Variants in CRPPA observed in about 807,000 individuals in gnomAD.
CRPPA encodes the protein CDP-L-ribitol pyrophosphorylase A.
Under a neutral mutation model 52.0 loss-of-function variants are expected in CRPPA, and 43 were observed. The ratio of observed to expected loss-of-function variants is 0.83; its 90% CI spans 0.65 to 1.07. The LOEUF is 1.07. Ranked by LOEUF, CRPPA falls within the 50% of genes least tolerant of loss-of-function variation. CRPPA has a pLI of 0.00. For missense variants in CRPPA, 629 were observed against 551.7 expected, an observed-to-expected ratio of 1.14 and a Z score of -1.40; for synonymous variants, 250 against 203.5, an observed-to-expected ratio of 1.23 and a Z score of -1.94.
At chr7:16,272,546 T>C (rs989854437) in intron 6 of CRPPA, among the ~76,000 whole-genome samples, 3 of 152,178 alleles carry the variant, frequency 2.0e-5, no homozygotes, top group Non-Finnish European at 1.5e-5. Context: ...CCTTTCAAAG[T>C]AGGATGAAAG....
At chr7:16,260,418 G>C (rs1783764544) in intron 6 of CRPPA, among the ~76,000 whole-genome samples, 1 of 151,948 alleles carries the variant, frequency 6.6e-6, no homozygotes, top group South Asian at 2.1e-4. Flanking sequence ...TCTTTTTAAA[G>C]AACTCTACTG....
At chr7:16,389,924 AAAAAATATATATATAT>A (rs1283703614) in intron 2 of CRPPA, among the ~76,000 whole-genome samples, 36 of 62,562 alleles carry the variant, frequency 5.8e-4, no homozygotes, top group African/African-American at 2.6e-3. Context: ...AAAAAAAAAA[AAAAAATATATATATAT>A]ATATATATAT....
At chr7:16,269,581 A>T (rs1186807403) in intron 6 of CRPPA, 1 of 152,210 alleles carries the variant, frequency 6.6e-6, no homozygotes, top group African/African-American at 2.4e-5. Flanking sequence ...TGCCAACGTA[A>T]GAGAGAAAGG....
intron 4 of CRPPA, among the ~76,000 whole-genome samples, chr7:16,306,416 T>A (rs1194724848): frequency 6.6e-6 from 1 of 152,128 alleles, no homozygotes; most frequent in Non-Finnish European, 1.5e-5. Context: ...GGACTAACAC[T>A]CTTGCTGGAG....
intron 2 of CRPPA, among the ~76,000 whole-genome samples, chr7:16,386,658 A>G (rs1375994275): frequency 6.6e-6 from 1 of 152,198 alleles, no homozygotes; most frequent in Non-Finnish European, 1.5e-5. Flanking sequence ...ACCAGATGGC[A>G]ACTTGCACCA....
chr7:16,286,097 A>ATATATATATATAT lies in CRPPA; in HGVS notation c.836-7872_836-7871insATATATATATATA, dbSNP rs1554309941. ...TATATATATAATATTTAAAAAAAAA[A>ATATATATATATAT]ATATATATATATATATATATGCCAA... On this transcript the variant is annotated intron_variant, in intron 5 of 9. Transcript: ENST00000407010. Among the ~76,000 whole-genome samples the ATATATATATATAT allele has an allele frequency of 1.3e-3, 49 of 39,110 alleles. 4 individuals carry two copies. Among genetic ancestry groups the ATATATATATATAT allele is most frequent in the African/African-American group, 3.7e-3 (20 of 5,448 alleles). 25.7% of individuals were successfully genotyped at this position (39,110 alleles called of 152,430 possible). A position where few individuals can be genotyped will look rare whatever the true frequency, so the allele number is the denominator to read the frequency against.
intron 3 of CRPPA, among the ~76,000 whole-genome samples, chr7:16,349,974 G>A (rs1583539695): frequency 6.6e-6 from 1 of 152,048 alleles, no homozygotes; most frequent in African/African-American, 2.4e-5. Context: ...ATGGCCAAAA[G>A]TTAAAGACAG....
At chr7:16,307,689 A>AG (rs1172269337) in intron 4 of CRPPA, among the ~76,000 whole-genome samples, 1 of 150,782 alleles carries the variant, frequency 6.6e-6, no homozygotes, top group Non-Finnish European at 1.5e-5. Context: ...AAAAAAAAAA[A>AG]AAAAAAAAAA....
intron 3 of CRPPA, among the ~76,000 whole-genome samples, chr7:16,374,726 C>T (rs1786835620): frequency 6.6e-6 from 1 of 152,104 alleles, no homozygotes; most frequent in East Asian, 1.9e-4. Flanking sequence ...ACCACTAATG[C>T]AGTAGGTCCC....
intron 8 of CRPPA, among the ~76,000 whole-genome samples, chr7:16,232,251 A>G (rs1782819532): frequency 6.6e-6 from 1 of 152,176 alleles, no homozygotes; most frequent in Non-Finnish European, 1.5e-5. Flanking sequence ...CCCTACCAAA[A>G]CTCACATTAA....
At chr7:16,349,152 C>A (rs116936617) in intron 3 of CRPPA, among the ~76,000 whole-genome samples, 150 of 152,252 alleles carry the variant, frequency 9.9e-4, no homozygotes, top group African/African-American at 3.5e-3. Context: ...ACACCTAAAC[C>A]TTTTCAGCTA....
At chr7:16,177,773 C>A (rs1406293509) in intron 9 of CRPPA, among the ~76,000 whole-genome samples, 1 of 151,988 alleles carries the variant, frequency 6.6e-6, no homozygotes, top group African/African-American at 2.4e-5. Context: ...CGGAAGTACA[C>A]AGGAGCAAAC....
At chr7:16,360,934 C>A (rs547271160) in intron 3 of CRPPA, among the ~76,000 whole-genome samples, 2 of 152,082 alleles carry the variant, frequency 1.3e-5, no homozygotes, top group African/African-American at 4.8e-5. Context: ...AAAAAGCAAT[C>A]TCTGGAATAG....
intron 9 of CRPPA, among the ~76,000 whole-genome samples, chr7:16,092,517 C>A (rs1177068295): frequency 6.6e-6 from 1 of 152,072 alleles, no homozygotes; most frequent in Admixed American, 6.6e-5. Flanking sequence ...TATTGTAGCT[C>A]CTTCCTATTG....
chr7:16,139,789 G>T (rs543070830), intron 9 of CRPPA, among the ~76,000 whole-genome samples: 1 of 152,092 alleles, frequency 6.6e-6, no homozygotes, highest in Non-Finnish European at 1.5e-5. Flanking sequence ...TCTGCCACAT[G>T]ATTTAAGAAT....
At chr7:16,175,097 A>G (rs1052782609) in intron 9 of CRPPA, among the ~76,000 whole-genome samples, 9 of 152,156 alleles carry the variant, frequency 5.9e-5, no homozygotes, top group Non-Finnish European at 1.2e-4. Flanking sequence ...ATGGGAACCA[A>G]TGAAAATGGT....
At position 16,149,791 on chromosome 7, in the gene CRPPA, G is replaced by C. The variant is rs548874467; in HGVS notation, c.1252-57992C>G. Among the ~76,000 whole-genome samples the C allele has an allele frequency of 2.0e-5, 3 of 152,228 alleles. No individual in the cohort carries two copies. The South Asian group carries it at 6.2e-4, about 32-fold the overall frequency. On this transcript the variant is annotated intron_variant, in intron 9 of 9. Transcript: ENST00000407010. ...GCCTAAGCTCAGGAGTTTGCGACCAGCCTGGGCAACACGGTGAAACCCCGT... is the reference window on the plus strand; with the variant it reads ...GCCTAAGCTCAGGAGTTTGCGACCACCCTGGGCAACACGGTGAAACCCCGT...
rs1300383850 is a variant in CRPPA at position 16,134,166 on chromosome 7, C to T, written c.1252-42367G>A. 1.6e-5 allele frequency among the ~76,000 whole-genome samples: 2 copies of T among 124,968 alleles called. 1 individual carries two copies. Among genetic ancestry groups the T allele is most frequent in the Non-Finnish European group, 3.7e-5 (2 of 54,746 alleles). The allele number at this position is 124,968 out of a possible 152,430, so 82.0% of individuals were successfully genotyped here. A position where few individuals can be genotyped will look rare whatever the true frequency, so the allele number is the denominator to read the frequency against. ...CAGGATGGTCTCAATCCCCTGACCT[C>T]GTGATCCGCCCGCCTCGGCCCCCTA... On this transcript the variant is annotated intron_variant, in intron 9 of 9. Coordinates refer to ENST00000407010, the MANE Select transcript of CRPPA (RefSeq NM_001101426.4).
chr7:16,303,477 T>G (rs1239248185), intron 4 of CRPPA, among the ~76,000 whole-genome samples: 1 of 44,970 alleles, frequency 2.2e-5, no homozygotes, highest in Non-Finnish European at 4.0e-5. Flanking sequence ...CATAAAATAG[T>G]AAAAAAAAAA....
Sources: allele counts gnomAD v4.1 joint callset (sites outside exome capture counted in the v4.1 genomes callset), GRCh38; gene constraint gnomAD v4.1.1; transcripts MANE v1.5; gene names NCBI Gene and HGNC (gene_info 2026-07-23, HGNC 2026-07-21).